The following PUDP variants were observed in gnomAD, a reference collection of about 807,000 sequenced individuals.
The protein encoded by PUDP is pseudouridine-5'-phosphatase.
In PUDP, 8 loss-of-function variants were observed where a neutral mutation model predicts 9.4. The ratio of observed to expected loss-of-function variants is 0.85; its 90% CI spans 0.50 to 1.53. PUDP has a LOEUF of 1.53. PUDP is among the 40% of genes most tolerant of loss of function. The pLI is 0.00. For synonymous variants in PUDP, 99 were observed against 80.7 expected (o/e 1.23, Z -1.22); for missense variants, 188 against 189.7 (o/e 0.99, Z 0.05).
rs144145657 is a variant in PUDP, at chrX:6,770,854, G to A, written c.*248-64388C>T. ...TCTGAAAGCAAATATCTCTCATTAC[G>A]TTTCAAATGATGAGGAAAAGATGAT... On this transcript the variant is annotated intron_variant and NMD_transcript_variant, in intron 3 of 3. Coordinates refer to the PUDP transcript ENST00000655425. Among the ~76,000 whole-genome samples, 467 of 111,598 alleles carry A rather than the reference G, an allele frequency of 4.2e-3. 1 individual carries two copies. The highest frequency in any genetic ancestry group is 0.014 in the African/African-American group (436 of 30,746).
chrX:7,008,802 G>A (rs1414742803), intron 1 of PUDP, among the ~76,000 whole-genome samples: 1 of 112,561 alleles, frequency 8.9e-6, no homozygotes, highest in Non-Finnish European at 1.9e-5. Flanking sequence ...TTGTGGTCAT[G>A]AAACATTGAA....
intron 1 of PUDP, among the ~76,000 whole-genome samples, chrX:7,005,624 G>C (rs1290913369): frequency 3.6e-5 from 4 of 110,434 alleles, no homozygotes; most frequent in Middle Eastern, 9.3e-3. Context: ...TGCCCAGGCT[G>C]GTCTCGAACT....
chrX:7,113,996 G>A (rs1372747797), intron 1 of PUDP, among the ~76,000 whole-genome samples: 2 of 111,416 alleles, frequency 1.8e-5, no homozygotes, highest in African/African-American at 6.5e-5. Flanking sequence ...ATGGAGTCCC[G>A]AGGCAGCACA....
At chrX:6,742,254 C>T (rs1243030840) in intron 3 of PUDP, among the ~76,000 whole-genome samples, 1 of 112,450 alleles carries the variant, frequency 8.9e-6, no homozygotes, top group Non-Finnish European at 1.9e-5. Flanking sequence ...TGGATTCAGA[C>T]ATTGAGTGGG....
intron 1 of PUDP, among the ~76,000 whole-genome samples, chrX:6,994,165 C>T (rs892947714): frequency 1.8e-5 from 2 of 111,985 alleles, no homozygotes; most frequent in African/African-American, 6.5e-5. Context: ...ATAAACTCAG[C>T]GCTTTGGGAG....
intron 3 of PUDP, among the ~76,000 whole-genome samples, chrX:6,866,086 AT>A (rs1288295377): frequency 9.1e-6 from 1 of 109,925 alleles, no homozygotes; most frequent in Admixed American, 9.8e-5. Flanking sequence ...ATGCAGGACT[AT>A]TTTTTCTTTT....
intron 3 of PUDP, among the ~76,000 whole-genome samples, chrX:6,780,204 G>A (rs756034888): frequency 2.3e-4 from 25 of 108,038 alleles, no homozygotes; most frequent in Admixed American, 1.1e-3. Context: ...CTTGATCAGC[G>A]TCACATATGT....
At chrX:6,806,063 G>A (rs1344449030) in intron 3 of PUDP, among the ~76,000 whole-genome samples, 2 of 110,929 alleles carry the variant, frequency 1.8e-5, no homozygotes, top group East Asian at 5.7e-4. Context: ...TTGCAGTACA[G>A]CACAAGCAGT....
rs936312457 is a variant in PUDP at position 6,948,705 on chromosome X, G to A, written c.*247+28428C>T. On this transcript the variant is annotated intron_variant and NMD_transcript_variant, in intron 3 of 3. Coordinates refer to the PUDP transcript ENST00000655425. Reference sequence around the variant, plus strand: ...GATCATTTTCCATAGTTTGCATATCGTGTGTTCAGCTCAAGGCAGTGTTGT... The same window carrying A: ...GATCATTTTCCATAGTTTGCATATCATGTGTTCAGCTCAAGGCAGTGTTGT... 1.6e-4 allele frequency among the ~76,000 whole-genome samples: 18 copies of A among 112,168 alleles called. No homozygotes were observed. In the South Asian group the frequency reaches 1.9e-3, roughly 12 times the overall value.
chrX:7,111,862 A>G (rs775067782), intron 1 of PUDP, among the ~76,000 whole-genome samples: 1 of 111,478 alleles, frequency 9.0e-6, no homozygotes, highest in Non-Finnish European at 1.9e-5. Flanking sequence ...TCATTAGGGA[A>G]TGCTTTTGTT....
In PUDP at chrX:7,104,608, A is replaced by G. The variant is rs994318095; in HGVS notation, c.280+1012T>C. Among the ~76,000 whole-genome samples, 5 of 111,972 alleles carry G rather than the reference A, an allele frequency of 4.5e-5. 1 individual carries two copies. In the South Asian group the frequency reaches 1.8e-3, roughly 41 times the overall value. On this transcript the variant is annotated intron_variant, in intron 2 of 3. Coordinates refer to ENST00000381077, the MANE Select transcript of PUDP (RefSeq NM_012080.5). Reference sequence around the variant, plus strand: ...TATAGTAACTGTATGGATGTGTTTCACCAAGACTTATCAAGGTAACTTCAT... The same window carrying G: ...TATAGTAACTGTATGGATGTGTTTCGCCAAGACTTATCAAGGTAACTTCAT...
intron 1 of PUDP, among the ~76,000 whole-genome samples, chrX:7,108,178 G>A (rs372444642): frequency 4.4e-4 from 50 of 112,824 alleles, no homozygotes; most frequent in African/African-American, 1.6e-3. Context: ...CATCCAAACT[G>A]CATCTCTTGA....
chrX:6,853,582 T>G (rs752699391), intron 3 of PUDP, among the ~76,000 whole-genome samples: 1 of 110,763 alleles, frequency 9.0e-6, no homozygotes, highest in South Asian at 3.9e-4. Flanking sequence ...CCAGAACATT[T>G]TTGTCACCTG....
rs184892843 is a variant in PUDP at position 6,776,130 on chromosome X, C to T, written c.*248-69664G>A. On this transcript the variant is annotated intron_variant and NMD_transcript_variant, in intron 3 of 3. Coordinates refer to the PUDP transcript ENST00000655425. ...CGATCACCAGCAAGTGTGGACAGCA[C>T]TATCCTGCAACCAAGGACGGCCTTA... is the stretch of plus-strand genomic sequence containing the variant. Among the ~76,000 whole-genome samples, 97 of 111,767 alleles carry T rather than the reference C, an allele frequency of 8.7e-4. 1 individual carries two copies. The Admixed American group carries it at 9.2e-3, about 11-fold the overall frequency.
rs183076588 is a variant in PUDP, at chrX:7,082,871, T to G, written c.281-5422A>C. Among the ~76,000 whole-genome samples the G allele has an allele frequency of 3.0e-4, 34 of 112,866 alleles. No individual in the cohort carries two copies. The East Asian group carries it at 9.0e-3, about 30-fold the overall frequency. On this transcript the variant is annotated intron_variant, in intron 2 of 3. Transcript: ENST00000381077. The stretch of plus-strand genomic sequence containing the variant: ...AAAAGCTTTGTGTGACTGAGAGCAG[T>G]GGGTTGAACGGTAGCCCCCAAACAG...
intron 3 of PUDP, among the ~76,000 whole-genome samples, chrX:7,066,251 T>C (rs182795134): frequency 8.9e-6 from 1 of 111,745 alleles, no homozygotes; most frequent in East Asian, 2.8e-4. Context: ...TTTGTACTAA[T>C]AGTGGCTACT....
chrX:6,748,443 T>C (rs1396906140), intron 3 of PUDP, among the ~76,000 whole-genome samples: 2 of 111,923 alleles, frequency 1.8e-5, no homozygotes, highest in African/African-American at 6.5e-5. Context: ...GGCAGCATTG[T>C]AGTAAACATC....
intron 1 of PUDP, chrX:7,117,076 TATCTAGACTC>T (rs1322394740): frequency 8.6e-7 from 1 of 1,161,732 alleles, no homozygotes; most frequent in Admixed American, 2.6e-5. Flanking sequence ...TCTTCTAAAT[TATCTAGACTC>T]AGCCATTTCT....
intron 1 of PUDP, among the ~76,000 whole-genome samples, chrX:6,714,641 G>A (rs959773): frequency 0.28 from 31,074 of 110,000 alleles, 3,588 homozygotes; most frequent in Non-Finnish European, 0.36. Flanking sequence ...ATGATAGAAT[G>A]ATAGATAAAT....
Sources: gnomAD v4.1 joint callset for allele counts (sites outside exome capture counted in the v4.1 genomes callset) on GRCh38, gnomAD v4.1.1 for gene constraint, MANE v1.5 for transcripts, NCBI Gene and HGNC (gene_info 2026-07-23, HGNC 2026-07-21) for gene names.